CASK: variants seen among roughly 807,000 people sequenced by gnomAD.
CASK encodes the protein peripheral plasma membrane protein CASK.
Under a neutral mutation model 82.9 loss-of-function variants are expected in CASK, and 4 were observed. The ratio of observed to expected loss-of-function variants is 0.05; its 90% confidence interval spans 0.02 to 0.11. The LOEUF (loss-of-function observed/expected upper bound fraction) is 0.11, where lower values mean the gene tolerates loss of function less well. CASK is among the 10% of genes least tolerant of loss of function. The probability of loss-of-function intolerance (pLI) is 1.00; values close to 1 mark genes in which losing one functional copy is unlikely to be tolerated. For synonymous variants in CASK, 259 were observed against 253.5 expected (o/e 1.02, Z -0.20); for missense variants, 358 against 720.9 (o/e 0.50, Z 5.76).
intron 6 of CASK, chrX:41,665,704 A>G: frequency 2.5e-6 from 1 of 407,788 alleles, no homozygotes; most frequent in Non-Finnish European, 4.3e-6. Flanking sequence ...TGAATTCTGC[A>G]TGCTACGTAG....
intron 8 of CASK, among the ~76,000 whole-genome samples, chrX:41,657,536 G>A (rs1005782699): frequency 2.8e-5 from 3 of 107,954 alleles, no homozygotes; most frequent in Non-Finnish European, 5.8e-5. Flanking sequence ...TTTTTTGTTT[G>A]TTTGAGACAG....
intron 5 of CASK, among the ~76,000 whole-genome samples, chrX:41,732,936 G>T (rs1234427538): frequency 9.1e-6 from 1 of 109,325 alleles, no homozygotes; most frequent in Non-Finnish European, 1.9e-5. Context: ...TACTGGCCAG[G>T]CGTGGTGGCT....
intron 3 of CASK, among the ~76,000 whole-genome samples, chrX:41,750,150 TA>T (rs1274795129): frequency 8.9e-6 from 1 of 112,068 alleles, no homozygotes; most frequent in Non-Finnish European, 1.9e-5. Flanking sequence ...TTTATAATAT[TA>T]ATTGATATTA....
At position 41,559,854 on chromosome X, in the gene CASK, G is replaced by A. The variant is rs780719523; in HGVS notation, c.1669-7C>T. The A allele has an allele frequency of 5.0e-6, 6 of 1,196,601 alleles. No homozygotes were observed. The African/African-American group carries it at 5.3e-5, about 10-fold the overall frequency. On this transcript the variant is annotated splice_region_variant and splice_polypyrimidine_tract_variant and intron_variant, in intron 17 of 26. Transcript: ENST00000378163. ...TACTCCCCCGCATTTCCCTCTGGAGGGGGGGTGGTGGGAAAGAAAGAAAAG... is the reference window on the plus strand; with the variant it reads ...TACTCCCCCGCATTTCCCTCTGGAGAGGGGGTGGTGGGAAAGAAAGAAAAG...
intron 1 of CASK, among the ~76,000 whole-genome samples, chrX:41,897,374 T>G (rs2072287873): frequency 8.9e-6 from 1 of 112,167 alleles, no homozygotes; most frequent in Non-Finnish European, 1.9e-5. Context: ...ATATGGTTTT[T>G]GTACTTTATT....
At position 41,770,295 on chromosome X, in the gene CASK, T is replaced by TCTATCTAC. The variant is rs201602205; in HGVS notation, c.278+16882_278+16883insGTAGATAG. Among the ~76,000 whole-genome samples the TCTATCTAC allele has an allele frequency of 6.2e-3, 575 of 92,993 alleles. 7 individuals are homozygous for TCTATCTAC. The highest frequency in any genetic ancestry group is 0.029 in the East Asian group (92 of 3,151). 80.8% of individuals were successfully genotyped at this position (92,993 alleles called of 115,157 possible). ...ATCTATCTATCTATCTATCTATCTA[T>TCTATCTAC]CTACCTACCTACCTACCTATCCATC... On this transcript the variant is annotated intron_variant, in intron 3 of 26. Coordinates refer to ENST00000378163, the MANE Select transcript of CASK (RefSeq NM_001367721.1).
chrX:41,799,005 G>A (rs1225268657), intron 2 of CASK, among the ~76,000 whole-genome samples: 1 of 111,689 alleles, frequency 9.0e-6, no homozygotes, highest in Non-Finnish European at 1.9e-5. Context: ...TTCTGAAGAT[G>A]AACTTTATAG....
At chrX:41,623,371 A>G (rs2066316113) in intron 10 of CASK, among the ~76,000 whole-genome samples, 1 of 112,357 alleles carries the variant, frequency 8.9e-6, no homozygotes, top group African/African-American at 3.2e-5. Context: ...TTAAACTGTT[A>G]TTTTAAATAT....
rs1035266436 is a variant in CASK, at chrX:41,517,682, A to G, written c.*2738T>C. ...CTGGTCTTTAAAAGAAAGAAAGAAA[A>G]AAAAAGGTTCTGCTGATGGAATGGA... On this transcript the variant is annotated 3_prime_UTR_variant, in exon 27 of 27. Coordinates refer to ENST00000378163, the MANE Select transcript of CASK (RefSeq NM_001367721.1). 2.3e-5 allele frequency: 11 copies of G among 484,004 alleles called. No individual in the cohort carries two copies. Among genetic ancestry groups the G allele is most frequent in the Non-Finnish European group, 3.9e-5 (11 of 284,191 alleles). The allele number at this position is 484,004 out of a possible 1,213,427, so 39.9% of individuals were successfully genotyped here.
At chrX:41,861,981 T>C (rs1001843712) in intron 1 of CASK, among the ~76,000 whole-genome samples, 5 of 105,142 alleles carry the variant, frequency 4.8e-5, no homozygotes, top group African/African-American at 1.7e-4. Flanking sequence ...ATTATACACA[T>C]ACATATATAC....
chrX:41,714,080 G>A (rs777254336), intron 5 of CASK, among the ~76,000 whole-genome samples: 2 of 112,056 alleles, frequency 1.8e-5, no homozygotes, highest in African/African-American at 6.5e-5. Flanking sequence ...CTCTGCTGGG[G>A]ATTCAAAGCT....
intron 1 of CASK, among the ~76,000 whole-genome samples, chrX:41,898,354 C>T (rs2072308777): frequency 9.0e-6 from 1 of 111,345 alleles, no homozygotes; most frequent in African/African-American, 3.3e-5. Flanking sequence ...CTCAGTCTAG[C>T]TAAAGATTTG....
chrX:41,685,237 G>A (rs1257563897), intron 5 of CASK, among the ~76,000 whole-genome samples: 1 of 111,857 alleles, frequency 8.9e-6, no homozygotes, highest in Admixed American at 9.5e-5. Context: ...TATAAAACAT[G>A]TACATAGGTT....
At position 41,515,174 on chromosome X, in the gene CASK, G is replaced by A. The variant is rs1299785816; in HGVS notation, c.*5246C>T. ...GGCGACAGGGCAAAGGGATCAGGAT[G>A]GGAGGGCGTGTGCTAAGGCATGTAA... On this transcript the variant is annotated 3_prime_UTR_variant, in exon 27 of 27. Coordinates refer to ENST00000378163, the MANE Select transcript of CASK (RefSeq NM_001367721.1). The A allele has an allele frequency of 8.9e-6, 1 of 112,241 alleles. No homozygotes were observed. Among genetic ancestry groups the A allele is most frequent in the Non-Finnish European group, 1.9e-5 (1 of 53,266 alleles). 9.2% of individuals were successfully genotyped at this position (112,241 alleles called of 1,213,427 possible). A position where few individuals can be genotyped will look rare whatever the true frequency, so the allele number is the denominator to read the frequency against.
At chrX:41,534,681 G>A (rs1455759304) in intron 24 of CASK, 25 bp downstream of exon 24, 3 of 1,114,292 alleles carry the variant, frequency 2.7e-6, no homozygotes, top group Non-Finnish European at 3.7e-6. Context: ...AAAATATAAT[G>A]AAAAGAGATT....
At chrX:41,905,640 C>A (rs1457564848) in intron 1 of CASK, among the ~76,000 whole-genome samples, 1 of 113,133 alleles carries the variant, frequency 8.8e-6, no homozygotes, top group South Asian at 3.5e-4. Context: ...TGGCCTATGG[C>A]CCCTTCGCTT....
intron 8 of CASK, among the ~76,000 whole-genome samples, chrX:41,644,338 T>G (rs1367651526): frequency 8.9e-6 from 1 of 112,305 alleles, no homozygotes; most frequent in Non-Finnish European, 1.9e-5. Context: ...ACTTTTGTAA[T>G]TTCTTATGCC....
Position 41,615,309 on chromosome X carries a change from C to G in CASK, c.1034-5284G>C, listed in dbSNP as rs1479048616. Among the ~76,000 whole-genome samples the G allele has an allele frequency of 2.7e-5, 3 of 111,198 alleles. No individual in the cohort carries two copies. In the Admixed American group the frequency reaches 2.9e-4, roughly 11 times the overall value. The stretch of plus-strand genomic sequence containing the variant: ...TTTACTTTGTTCAGAGTGCCCCCCC[C>G]TCCATCAAAAAATCTGGAAATTAGT... On this transcript the variant is annotated intron_variant, in intron 11 of 26. Transcript: ENST00000378163.
chrX:41,520,611 G>A lies in CASK; in HGVS notation c.2605-15C>T. 1 of 1,184,854 alleles carries A rather than the reference G, an allele frequency of 8.4e-7. No homozygotes were observed. Among genetic ancestry groups the A allele is most frequent in the Non-Finnish European group, 1.1e-6 (1 of 873,755 alleles). Reference sequence around the variant, plus strand: ...AGAGATTCATCCTAAATGGTGATGAGATGGAGGTAGGGGTGGGCATGAGAG... The same window carrying A: ...AGAGATTCATCCTAAATGGTGATGAAATGGAGGTAGGGGTGGGCATGAGAG... On this transcript the variant is annotated splice_polypyrimidine_tract_variant and intron_variant, in intron 26 of 26. Transcript: ENST00000378163.
Sources: gnomAD v4.1 joint callset for allele counts (sites outside exome capture counted in the v4.1 genomes callset) on GRCh38, gnomAD v4.1.1 for gene constraint, MANE v1.5 for transcripts, NCBI Gene and HGNC (gene_info 2026-07-23, HGNC 2026-07-21) for gene names.